PDE1C: variants seen among roughly 807,000 people sequenced by gnomAD.
The protein encoded by PDE1C is phosphodiesterase 1C.
In PDE1C, 62 loss-of-function variants were observed where a neutral mutation model predicts 93.1. The observed-to-expected ratio is 0.67, with a 90% confidence interval of 0.54 to 0.82. PDE1C has a LOEUF of 0.82. Ranked by LOEUF, PDE1C falls within the 40% of genes least tolerant of loss-of-function variation. PDE1C has a pLI of 0.00. For synonymous variants in PDE1C, 325 were observed against 310.1 expected (o/e 1.05, Z -0.50); for missense variants, 742 against 884.6 (o/e 0.84, Z 2.04).
intron 1 of PDE1C, among the ~76,000 whole-genome samples, chr7:32,346,502 A>C (rs1358120284): frequency 6.6e-6 from 1 of 152,216 alleles, no homozygotes; most frequent in Non-Finnish European, 1.5e-5. Flanking sequence ...ATGGGCCCCC[A>C]GGTGCCTGTA....
At chr7:32,023,453 T>C (rs1788967465) in intron 2 of PDE1C, among the ~76,000 whole-genome samples, 1 of 152,098 alleles carries the variant, frequency 6.6e-6, no homozygotes, top group African/African-American at 2.4e-5. Flanking sequence ...GAACTTAATC[T>C]CTTTTTAACA....
At chr7:31,707,206 G>C in the PDE1C span, 1 of 1,613,512 alleles carries the variant, frequency 6.2e-7, no homozygotes, top group Non-Finnish European at 8.5e-7. Context: ...TTTTGCAGGT[G>C]TGACATTGCT....
chr7:31,836,647 T>G, intron 11 of PDE1C, among the ~76,000 whole-genome samples: 1 of 152,302 alleles, frequency 6.6e-6, no homozygotes, highest in Non-Finnish European at 1.5e-5. Context: ...CTGCCTATTC[T>G]TATAGACAAC....
chr7:31,797,167 G>C (rs1785404574), intron 16 of PDE1C, among the ~76,000 whole-genome samples: 1 of 151,814 alleles, frequency 6.6e-6, no homozygotes, highest in Admixed American at 6.6e-5. Context: ...TAAGGGAAAT[G>C]GGATATTAGT....
At chr7:31,939,976 G>A (rs1029052326) in intron 2 of PDE1C, among the ~76,000 whole-genome samples, 1 of 152,122 alleles carries the variant, frequency 6.6e-6, no homozygotes, top group Non-Finnish European at 1.5e-5. Context: ...CAGAATCTGG[G>A]AAACTAGGAA....
chr7:31,789,544 T>TA (rs1784355227), intron 16 of PDE1C: 1 of 579,296 alleles, frequency 1.7e-6, no homozygotes, highest in East Asian at 1.4e-4. Flanking sequence ...AACATTCAGG[T>TA]TTATACTAAT....
intron 15 of PDE1C, among the ~76,000 whole-genome samples, chr7:31,813,906 T>C (rs1257393779): frequency 6.6e-6 from 1 of 152,082 alleles, no homozygotes; most frequent in East Asian, 1.9e-4. Flanking sequence ...GAATATACAA[T>C]GTTTGGTTTT....
the PDE1C span, among the ~76,000 whole-genome samples, chr7:31,631,797 ACT>A: frequency 6.6e-6 from 1 of 152,010 alleles, no homozygotes; most frequent in South Asian, 2.1e-4. Flanking sequence ...TAGGATAGAG[ACT>A]CTTCTGCCTG....
chr7:32,080,366 T>G (rs1331400611), intron 3 of PDE1C, among the ~76,000 whole-genome samples: 1 of 152,196 alleles, frequency 6.6e-6, no homozygotes, highest in African/African-American at 2.4e-5. Flanking sequence ...AGACAAGTAC[T>G]GTGAAATTTA....
chr7:31,851,016 C>A (rs150217977), intron 7 of PDE1C: 1 of 351,570 alleles, frequency 2.8e-6, no homozygotes, highest in Non-Finnish European at 5.4e-6. Flanking sequence ...ACTTGAAAAG[C>A]CCTCATTGCA....
At chr7:31,654,702 T>TGGGGAATAG in the PDE1C span, among the ~76,000 whole-genome samples, 1 of 152,058 alleles carries the variant, frequency 6.6e-6, no homozygotes, top group Non-Finnish European at 1.5e-5. Context: ...CTCTAAGGAA[T>TGGGGAATAG]GGGGAATAGA....
chr7:32,225,311 A>T (rs1342350047), intron 1 of PDE1C, among the ~76,000 whole-genome samples: 3 of 152,014 alleles, frequency 2.0e-5, no homozygotes, highest in Non-Finnish European at 4.4e-5. Context: ...GTTTCTACAC[A>T]GGTTCATTTT....
intron 1 of PDE1C, among the ~76,000 whole-genome samples, chr7:32,403,986 C>G (rs114822517): frequency 0.014 from 2,074 of 152,258 alleles, 51 homozygotes; most frequent in African/African-American, 0.046. Context: ...ACCCTCAACA[C>G]AAGAATCTGC....
intron 17 of PDE1C, among the ~76,000 whole-genome samples, chr7:31,774,376 A>G (rs536471295): frequency 6.6e-6 from 1 of 152,350 alleles, no homozygotes; most frequent in African/African-American, 2.4e-5. Context: ...TAAAATATTG[A>G]AAATAATGTT....
chr7:32,040,789 A>G (rs906291517), intron 2 of PDE1C, among the ~76,000 whole-genome samples: 2 of 152,124 alleles, frequency 1.3e-5, no homozygotes, highest in Non-Finnish European at 2.9e-5. Context: ...TTTCCTAATT[A>G]AGGTCCATGT....
At chr7:32,108,230 C>CAAAAAAAAAAAAAAAAAAAAAA (rs71559210) in intron 3 of PDE1C, among the ~76,000 whole-genome samples, 3 of 77,058 alleles carry the variant, frequency 3.9e-5, no homozygotes, top group African/African-American at 5.1e-5. Flanking sequence ...AAAAGCAAGA[C>CAAAAAAAAAAAAAAAAAAAAAA]AAAAAAAAAA....
chr7:32,003,607 G>A (rs1418839255), intron 2 of PDE1C, among the ~76,000 whole-genome samples: 1 of 152,104 alleles, frequency 6.6e-6, no homozygotes, highest in East Asian at 1.9e-4. Context: ...ACATTGCATG[G>A]CCCATCCATT....
Position 32,008,935 on chromosome 7 carries a change from C to CAA in PDE1C, c.128+42617_128+42618dup, listed in dbSNP as rs66904262. Among the ~76,000 whole-genome samples the CAA allele has an allele frequency of 3.6e-4, 54 of 151,600 alleles. No individual in the cohort carries two copies. In the South Asian group the frequency reaches 6.1e-3, roughly 17 times the overall value. ...TCAAAAATATTTTGATATCATAAGA[C>CAA]AAAAAAAAGGCTATAGATTCCTCCA... On this transcript the variant is annotated intron_variant, in intron 2 of 17. Coordinates refer to ENST00000396191, the MANE Select transcript of PDE1C (RefSeq NM_001191057.4).
At chr7:32,070,894 C>T (rs947339287), upstream of PDE1C, 13 of 985,446 alleles carry the variant, frequency 1.3e-5, no homozygotes, top group Admixed American at 6.2e-5. Context: ...CCGGACGCCG[C>T]GCACCCGGCT....
Sources: allele counts gnomAD v4.1 joint callset (sites outside exome capture counted in the v4.1 genomes callset), GRCh38; gene constraint gnomAD v4.1.1; transcripts MANE v1.5; gene names NCBI Gene and HGNC (gene_info 2026-07-23, HGNC 2026-07-21).